Variants in HECTD4 observed in about 807,000 individuals in gnomAD.
The protein encoded by HECTD4 is HECT domain E3 ubiquitin protein ligase 4, also known as probable E3 ubiquitin-protein ligase HECTD4.
Under a neutral mutation model 471.5 loss-of-function variants are expected in HECTD4, and 114 were observed. The ratio of observed to expected loss-of-function variants is 0.24; its 90% CI spans 0.21 to 0.28. The LOEUF (loss-of-function observed/expected upper bound fraction) is 0.28, where lower values mean the gene tolerates loss of function less well. HECTD4 is among the 10% of genes least tolerant of loss of function. The pLI, the probability that HECTD4 is intolerant of heterozygous loss-of-function variation, is 1.00. For missense variants in HECTD4, 3,866 were observed against 5,651.5 expected, an observed-to-expected ratio of 0.68 and a Z score of 10.13; for synonymous variants, 2,012 against 2,256.0, an observed-to-expected ratio of 0.89 and a Z score of 3.07.
Position 112,269,727 on chromosome 12 carries a change from C to G in HECTD4, c.2298G>C (p.Gln766His). ...ACCTGATGGCAAGGCAGACTTCCTT[C>G]TGAATTTCAGGGCAAATTTGATCTT... ...APKDQICPEI[Q>H]KEVCLAISSG... Residue 766 changes from glutamine to histidine, a missense_variant, in exon 13 of 76, where the codon CAG becomes CAC. This residue lies in a region of HECTD4 where 525 missense variants were observed against 672.6 expected (regional missense o/e 0.78). Transcript: ENST00000682272. 6.2e-7 allele frequency: 1 copy of G among 1,613,992 alleles called. No homozygotes were observed. Among genetic ancestry groups the G allele is most frequent in the South Asian group, 1.1e-5 (1 of 91,066 alleles).
intron 52 of HECTD4, among the ~76,000 whole-genome samples, chr12:112,207,315 G>C (rs1444079090): frequency 1.3e-5 from 2 of 152,044 alleles, no homozygotes; most frequent in African/African-American, 4.8e-5. Context: ...AGCTAATTTT[G>C]CATTTTTAGT....
chr12:112,179,397 C>A lies in HECTD4; in HGVS notation c.10988G>T (p.Gly3663Val). The A allele has an allele frequency of 6.2e-7, 1 of 1,608,700 alleles. No individual in the cohort carries two copies. Among genetic ancestry groups the A allele is most frequent in the South Asian group, 1.1e-5 (1 of 89,732 alleles). Residue 3663 changes from glycine to valine, a missense_variant and splice_region_variant, in exon 63 of 76, where the codon GGG (glycine) becomes GTG (valine). Transcript: ENST00000682272. The surrounding 1 kb of genome is among the most constrained non-coding windows in gnomAD (Gnocchi z 4.3). Reference protein sequence around the residue: ...EDYFNDKSIKGEKLVPGAREV... With the variant: ...EDYFNDKSIKVEKLVPGAREV... ...TCTGGCTCCGGGCACCAGCTTCTCCCCTGTTGGATGGAGAGGGGGCAAAAC... is the reference window on the plus strand; with the variant it reads ...TCTGGCTCCGGGCACCAGCTTCTCCACTGTTGGATGGAGAGGGGGCAAAAC...
intron 23 of HECTD4, 69 bp downstream of exon 23, chr12:112,252,355 A>G: frequency 6.9e-7 from 1 of 1,454,442 alleles, no homozygotes; most frequent in South Asian, 1.5e-5. Context: ...CAAGGCAAAT[A>G]TGCTGTATGT....
At chr12:112,236,596 C>T (rs1340197474) in intron 35 of HECTD4, among the ~76,000 whole-genome samples, 1 of 152,172 alleles carries the variant, frequency 6.6e-6, no homozygotes, top group African/African-American at 2.4e-5. Flanking sequence ...GAGTTAATTA[C>T]AGGCCCTGAC....
chr12:112,201,862 T>C (rs2135532951), intron 54 of HECTD4, among the ~76,000 whole-genome samples: 1 of 152,334 alleles, frequency 6.6e-6, no homozygotes, highest in Admixed American at 6.5e-5. Flanking sequence ...AAATAAAAAG[T>C]AAGCTCATAC....
chr12:112,177,219 C>T (rs957289410), intron 64 of HECTD4, among the ~76,000 whole-genome samples: 10 of 152,042 alleles, frequency 6.6e-5, no homozygotes, highest in African/African-American at 2.2e-4. Flanking sequence ...TTTTAAAAAC[C>T]TTTATTTTTC....
intron 1 of HECTD4, among the ~76,000 whole-genome samples, chr12:112,335,717 C>T (rs1352849589): frequency 2.6e-5 from 4 of 151,926 alleles, no homozygotes; most frequent in East Asian, 1.9e-4. Flanking sequence ...TTGGGTGCAG[C>T]GTATACTGCT....
At chr12:112,297,927 A>G (rs1307358798) in intron 7 of HECTD4, among the ~76,000 whole-genome samples, 1 of 152,176 alleles carries the variant, frequency 6.6e-6, no homozygotes, top group Non-Finnish European at 1.5e-5. Flanking sequence ...GGTCCTACAG[A>G]TAAGACTCAG....
intron 1 of HECTD4, among the ~76,000 whole-genome samples, chr12:112,342,689 C>G (rs1246082790): frequency 6.6e-6 from 1 of 152,156 alleles, no homozygotes; most frequent in Non-Finnish European, 1.5e-5. Flanking sequence ...GAAAAAAACT[C>G]TAGTGCAAAA....
In HECTD4 at chr12:112,208,011, A is replaced by G. The variant is rs1330883289; in HGVS notation, c.8005-11T>C. On this transcript the variant is annotated splice_polypyrimidine_tract_variant and intron_variant, in intron 51 of 75. Coordinates refer to ENST00000682272, the MANE Select transcript of HECTD4 (RefSeq NM_001388303.1). ...GGCGTAGTGGTCCTCCTGGAAGCAGAAGGAACCTCATGAACAGAGAAGGAA... is the reference window on the plus strand; with the variant it reads ...GGCGTAGTGGTCCTCCTGGAAGCAGGAGGAACCTCATGAACAGAGAAGGAA... 6.2e-7 allele frequency: 1 copy of G among 1,611,630 alleles called. No individual in the cohort carries two copies. The highest frequency in any genetic ancestry group is 1.3e-5 in the African/African-American group (1 of 74,886).
intron 7 of HECTD4, among the ~76,000 whole-genome samples, chr12:112,293,046 T>C (rs899077834): frequency 3.4e-5 from 5 of 149,226 alleles, no homozygotes; most frequent in Non-Finnish European, 5.9e-5. Context: ...AAATATTTCA[T>C]GAGGGATGTT....
chr12:112,191,408 T>G (rs1278992735), intron 59 of HECTD4, among the ~76,000 whole-genome samples: 1 of 152,200 alleles, frequency 6.6e-6, no homozygotes, highest in African/African-American at 2.4e-5. Context: ...TCCCCAAGAC[T>G]TAAGACTACT....
intron 1 of HECTD4, among the ~76,000 whole-genome samples, chr12:112,344,315 T>A (rs1031039972): frequency 6.6e-6 from 1 of 152,166 alleles, no homozygotes; most frequent in African/African-American, 2.4e-5. Flanking sequence ...AGCAAAACAC[T>A]AAAACTGAAA....
chr12:112,267,652 A>G (rs911746920), intron 13 of HECTD4, among the ~76,000 whole-genome samples: 2 of 152,220 alleles, frequency 1.3e-5, no homozygotes, highest in Non-Finnish European at 2.9e-5. Flanking sequence ...TGAAAAGTCA[A>G]TGTAGTCAAG....
chr12:112,222,930 T>C (rs2033139946), intron 44 of HECTD4, among the ~76,000 whole-genome samples: 1 of 152,130 alleles, frequency 6.6e-6, no homozygotes, highest in Non-Finnish European at 1.5e-5. Context: ...AGGAATGACT[T>C]TGGTTATCAA....
At chr12:112,344,882 C>G (rs1444825761) in intron 1 of HECTD4, among the ~76,000 whole-genome samples, 3 of 152,056 alleles carry the variant, frequency 2.0e-5, no homozygotes, top group Non-Finnish European at 4.4e-5. Context: ...CACGCCATTG[C>G]ACTCCAGCCT....
At chr12:112,261,235 G>T (rs1260043545) in intron 18 of HECTD4, 70 bp downstream of exon 18, 4 of 1,439,668 alleles carry the variant, frequency 2.8e-6, no homozygotes, top group Non-Finnish European at 2.8e-6. Context: ...ATTCTAAAAA[G>T]ATTTAATTTC....
Position 112,308,850 on chromosome 12 carries a change from C to T in HECTD4, c.1067G>A (p.Trp356Ter). ...YCRNEELEPG[W>*]VAFGSGSLLH... ...AAGACTGCCGCTGCCAAAAGCCACCCATCCTGGTTCCAACTCCTCGTTCCG... is the reference window on the plus strand; with the variant it reads ...AAGACTGCCGCTGCCAAAAGCCACCTATCCTGGTTCCAACTCCTCGTTCCG... The change falls in exon 6 of 76, where the codon TGG becomes TAG. Residue 356 changes from tryptophan to a stop codon, truncating the protein, a stop_gained. Transcript: ENST00000682272. LOFTEE classifies it high-confidence loss of function. 1 of 1,536,076 alleles carries T rather than the reference C, an allele frequency of 6.5e-7. No individual in the cohort carries two copies. Among genetic ancestry groups the T allele is most frequent in the Non-Finnish European group, 8.7e-7 (1 of 1,146,872 alleles).
intron 9 of HECTD4, 99 bp downstream of exon 9, chr12:112,279,129 A>G (rs1344904238): frequency 3.9e-6 from 4 of 1,021,964 alleles, no homozygotes; most frequent in East Asian, 2.7e-5. Flanking sequence ...ATTGCAAACA[A>G]CTATTTAACA....
Sources: allele counts gnomAD v4.1 joint callset (sites outside exome capture counted in the v4.1 genomes callset), GRCh38; gene constraint gnomAD v4.1.1; regional missense constraint gnomAD v4.1.1; non-coding constraint Gnocchi (gnomAD v3.1); transcripts MANE v1.5; gene names NCBI Gene and HGNC (gene_info 2026-07-23, HGNC 2026-07-21).